Variants in KIF26B observed in about 807,000 individuals in gnomAD.
The protein encoded by KIF26B is kinesin family member 26B, also known as kinesin-like protein KIF26B.
In KIF26B, 63 loss-of-function variants were observed where a neutral mutation model predicts 151.2. The observed-to-expected ratio is 0.42, with a 90% confidence interval of 0.34 to 0.51. The LOEUF (loss-of-function observed/expected upper bound fraction) is 0.51, where lower values mean the gene tolerates loss of function less well. KIF26B is among the 20% of genes least tolerant of loss of function. KIF26B has a pLI of 0.07. For missense variants in KIF26B, 2,813 were observed against 2,913.6 expected (o/e 0.97, Z 0.79); for synonymous variants, 1,357 against 1,262.1 (o/e 1.08, Z -1.59).
intron 4 of KIF26B, among the ~76,000 whole-genome samples, chr1:245,446,399 A>T (rs1659251624): frequency 6.6e-6 from 1 of 152,158 alleles, no homozygotes. Context: ...GATAAATTTC[A>T]TATAGTGTCA....
At chr1:245,325,879 C>G (rs924537766) in intron 2 of KIF26B, among the ~76,000 whole-genome samples, 1 of 152,094 alleles carries the variant, frequency 6.6e-6, no homozygotes, top group African/African-American at 2.4e-5. Flanking sequence ...CTGATTGGAA[C>G]TACTGTTGCA....
chr1:245,259,916 C>T (rs7524806), intron 2 of KIF26B, among the ~76,000 whole-genome samples: 68,167 of 138,176 alleles, frequency 0.49, 16,883 homozygotes, highest in East Asian at 0.64. Context: ...GCATGAGTGA[C>T]AGAGCGAGGT....
At chr1:245,290,222 G>A (rs1317237198) in intron 2 of KIF26B, among the ~76,000 whole-genome samples, 1 of 152,004 alleles carries the variant, frequency 6.6e-6, no homozygotes, top group Admixed American at 6.6e-5. Context: ...AGTAGTGTCT[G>A]TCTCACCTAG....
chr1:245,180,631 A>G (rs1275916533), intron 2 of KIF26B, among the ~76,000 whole-genome samples: 1 of 152,064 alleles, frequency 6.6e-6, no homozygotes, highest in Non-Finnish European at 1.5e-5. Context: ...CTTTAAAAAA[A>G]TCTTCAGCTG....
At chr1:245,570,274 G>T (rs548483578) in intron 5 of KIF26B, among the ~76,000 whole-genome samples, 1 of 152,060 alleles carries the variant, frequency 6.6e-6, no homozygotes, top group African/African-American at 2.4e-5. Flanking sequence ...ATAGATGAGA[G>T]AATTGAAATT....
chr1:245,156,488 C>G lies in KIF26B; in HGVS notation c.270C>G (p.Pro90=). The G allele has an allele frequency of 6.6e-7, 1 of 1,526,156 alleles. No individual in the cohort carries two copies. The highest frequency in any genetic ancestry group is 8.8e-7 in the Non-Finnish European group (1 of 1,140,046). The allele number at this position is 1,526,156 out of a possible 1,614,324, so 94.5% of individuals were successfully genotyped here. A position where few individuals can be genotyped will look rare whatever the true frequency, so the allele number is the denominator to read the frequency against. ...SFTGSPGPAS[P]GIGTSSPGSL... The stretch of plus-strand genomic sequence containing the variant: ...CCGGCTCCCCGGGACCCGCCTCCCC[C>G]GGCATCGGCACTAGTTCGCCGGGCT... The change falls in exon 2 of 15, where the codon CCC becomes CCG. Residue 90 remains proline, a synonymous_variant. Transcript: ENST00000407071.
intron 2 of KIF26B, among the ~76,000 whole-genome samples, chr1:245,246,886 CACACACAG>C (rs1382339398): frequency 2.0e-5 from 3 of 150,348 alleles, no homozygotes; most frequent in Admixed American, 6.6e-5. Flanking sequence ...CACACACACA[CACACACAG>C]ACACACACAC....
chr1:245,590,003 C>G (rs758482614), intron 5 of KIF26B, among the ~76,000 whole-genome samples: 1 of 152,234 alleles, frequency 6.6e-6, no homozygotes, highest in East Asian at 1.9e-4. Context: ...GAGTCTGCGT[C>G]TGCAGACGCA....
At chr1:245,700,853 C>G (rs1254057945) in intron 14 of KIF26B, among the ~76,000 whole-genome samples, 2 of 152,248 alleles carry the variant, frequency 1.3e-5, no homozygotes, top group African/African-American at 4.8e-5. Context: ...GTGCTTATCC[C>G]TCCCCGCTGC....
intron 2 of KIF26B, among the ~76,000 whole-genome samples, chr1:245,274,686 A>G (rs1158869009): frequency 6.6e-6 from 1 of 152,204 alleles, no homozygotes; most frequent in African/African-American, 2.4e-5. Flanking sequence ...GCCGCAATAA[A>G]CATATGTGTG....
intron 2 of KIF26B, among the ~76,000 whole-genome samples, chr1:245,217,321 GACTCTC>G (rs1430335193): frequency 6.6e-6 from 1 of 151,778 alleles, no homozygotes; most frequent in Non-Finnish European, 1.5e-5. Context: ...GACAACAAAT[GACTCTC>G]ACTCTCTTTT....
intron 2 of KIF26B, among the ~76,000 whole-genome samples, chr1:245,311,879 G>A (rs1294370680): frequency 5.3e-5 from 8 of 152,296 alleles, no homozygotes; most frequent in Non-Finnish European, 1.0e-4. Context: ...GCAGTGAGCC[G>A]AGATCATGCC....
At chr1:245,397,982 C>T (rs533109067) in intron 3 of KIF26B, among the ~76,000 whole-genome samples, 2 of 152,178 alleles carry the variant, frequency 1.3e-5, no homozygotes, top group South Asian at 4.1e-4. Flanking sequence ...TTGCAAAGAA[C>T]TTTCTAATGA....
At chr1:245,240,249 T>C (rs1244107109) in intron 2 of KIF26B, among the ~76,000 whole-genome samples, 4 of 152,122 alleles carry the variant, frequency 2.6e-5, no homozygotes, top group Admixed American at 2.0e-4. Context: ...ACTTCCTGAG[T>C]CCACTTTCGC....
intron 4 of KIF26B, among the ~76,000 whole-genome samples, chr1:245,427,063 T>C (rs1265711258): frequency 1.3e-5 from 2 of 152,200 alleles, no homozygotes; most frequent in Non-Finnish European, 2.9e-5. Context: ...CAGGTACAGT[T>C]CCCTTTAGGG....
intron 5 of KIF26B, among the ~76,000 whole-genome samples, chr1:245,544,549 A>G (rs986033644): frequency 6.6e-5 from 10 of 152,186 alleles, no homozygotes; most frequent in African/African-American, 1.7e-4. Context: ...AGTAGACAAG[A>G]AAACTGAGGC....
chr1:245,526,671 T>C (rs1201772189), intron 4 of KIF26B, among the ~76,000 whole-genome samples: 1 of 152,192 alleles, frequency 6.6e-6, no homozygotes, highest in Non-Finnish European at 1.5e-5. Context: ...TTAGCTTTGC[T>C]CTGAAAGAGC....
chr1:245,288,254 G>C (rs1266508725), intron 2 of KIF26B, among the ~76,000 whole-genome samples: 3 of 152,008 alleles, frequency 2.0e-5, no homozygotes, highest in African/African-American at 4.8e-5. Flanking sequence ...TTCACACACA[G>C]CAGATTATGA....
chr1:245,697,630 A>G (rs938597514), intron 12 of KIF26B, among the ~76,000 whole-genome samples: 2 of 152,104 alleles, frequency 1.3e-5, no homozygotes, highest in Non-Finnish European at 2.9e-5. Flanking sequence ...TTAGGGGAGT[A>G]GAGGTGGAGG....
Sources: allele counts gnomAD v4.1 joint callset (sites outside exome capture counted in the v4.1 genomes callset), GRCh38; gene constraint gnomAD v4.1.1; transcripts MANE v1.5; gene names NCBI Gene and HGNC (gene_info 2026-07-23, HGNC 2026-07-21).